PALS1: variants seen among roughly 807,000 people sequenced by gnomAD.
PALS1 encodes protein associated with LIN7 1, MAGUK p55 family member, also known as protein PALS1.
Under a neutral mutation model 78.9 loss-of-function variants are expected in PALS1, and 31 were observed. The ratio of observed to expected loss-of-function variants is 0.39; its 90% CI spans 0.30 to 0.53. PALS1 has a LOEUF of 0.53. Ranked by LOEUF, PALS1 falls within the 20% of genes least tolerant of loss-of-function variation. The pLI is 0.67. For synonymous variants in PALS1, 276 were observed against 270.9 expected (o/e 1.02, Z -0.18); for missense variants, 704 against 826.5 (o/e 0.85, Z 1.82).
intron 8 of PALS1, among the ~76,000 whole-genome samples, chr14:67,310,940 C>A (rs144630313): frequency 6.6e-4 from 101 of 152,234 alleles, no homozygotes; most frequent in African/African-American, 2.3e-3. Context: ...GCTTAAAGAG[C>A]GCTTAAAAAG....
At chr14:67,265,595 G>A (rs142260129) in intron 1 of PALS1, among the ~76,000 whole-genome samples, 2,253 of 151,826 alleles carry the variant, frequency 0.015, 21 homozygotes, top group Non-Finnish European at 0.024. Flanking sequence ...AGTGGCTCAC[G>A]CCTGTAATCC....
chr14:67,285,974 TAATC>T (rs1347236827), intron 3 of PALS1, among the ~76,000 whole-genome samples: 1 of 152,190 alleles, frequency 6.6e-6, no homozygotes, highest in African/African-American at 2.4e-5. Context: ...CTCTTTTAAA[TAATC>T]AAGAGTTAAA....
chr14:67,308,673 G>A (rs2085046200), intron 8 of PALS1, among the ~76,000 whole-genome samples: 1 of 150,986 alleles, frequency 6.6e-6, no homozygotes, highest in South Asian at 2.1e-4. Flanking sequence ...AGCCTCCCAA[G>A]TAGCTGGGAT....
intron 9 of PALS1, among the ~76,000 whole-genome samples, chr14:67,313,408 A>G (rs1438830504): frequency 6.6e-6 from 1 of 152,294 alleles, no homozygotes; most frequent in East Asian, 1.9e-4. Flanking sequence ...CAGCTAGGCT[A>G]TGTGGTATAG....
intron 4 of PALS1, among the ~76,000 whole-genome samples, chr14:67,295,849 CACT>C (rs1322853126): frequency 4.6e-5 from 7 of 152,144 alleles, no homozygotes; most frequent in African/African-American, 2.4e-5. Context: ...CCAGCAATTT[CACT>C]TGTAGGTATA....
chr14:67,261,445 A>G (rs1431541244), intron 1 of PALS1, among the ~76,000 whole-genome samples: 1 of 152,180 alleles, frequency 6.6e-6, no homozygotes, highest in East Asian at 1.9e-4. Flanking sequence ...GTTTAGGGAT[A>G]TTACAGTTAC....
intron 2 of PALS1, among the ~76,000 whole-genome samples, chr14:67,273,562 G>C (rs1186409968): frequency 6.6e-6 from 1 of 152,152 alleles, no homozygotes; most frequent in Non-Finnish European, 1.5e-5. Flanking sequence ...TTGCTATTGT[G>C]AATAGTGCCG....
chr14:67,312,343 T>C (rs2085102865), intron 8 of PALS1, among the ~76,000 whole-genome samples, 184 bp from the exon 9 acceptor site: 1 of 152,142 alleles, frequency 6.6e-6, no homozygotes, highest in Non-Finnish European at 1.5e-5. Context: ...TTTGGGAGGC[T>C]GAGGGAGAAG....
intron 14 of PALS1, among the ~76,000 whole-genome samples, chr14:67,327,174 A>G (rs2085370896): frequency 6.6e-6 from 1 of 152,184 alleles, no homozygotes; most frequent in Admixed American, 6.5e-5. Context: ...GACTCTCAAA[A>G]AAAAAGAAAA....
At chr14:67,282,381 G>A (rs2084619100) in intron 3 of PALS1, among the ~76,000 whole-genome samples, 1 of 152,042 alleles carries the variant, frequency 6.6e-6, no homozygotes, top group South Asian at 2.1e-4. Flanking sequence ...ATGGGCAACT[G>A]ATTTATTTCT....
chr14:67,254,423 C>G (rs1398646939), intron 1 of PALS1: 1 of 152,132 alleles, frequency 6.6e-6, no homozygotes, highest in Non-Finnish European at 1.5e-5. Flanking sequence ...CTTTCCTCCC[C>G]TGTAAGACTG....
At chr14:67,318,493 C>T (rs1427797415) in intron 11 of PALS1, among the ~76,000 whole-genome samples, 4 of 151,998 alleles carry the variant, frequency 2.6e-5, no homozygotes, top group Non-Finnish European at 5.9e-5. Context: ...CTGTAGAAAA[C>T]GTGGCAAATC....
intron 4 of PALS1, among the ~76,000 whole-genome samples, chr14:67,297,029 A>C (rs1234617659): frequency 6.6e-6 from 1 of 152,256 alleles, no homozygotes; most frequent in Non-Finnish European, 1.5e-5. Context: ...ACAAATTCTT[A>C]GAAAGCCAGT....
At chr14:67,260,188 A>T (rs1459663615) in intron 1 of PALS1, among the ~76,000 whole-genome samples, 1 of 152,208 alleles carries the variant, frequency 6.6e-6, no homozygotes, top group African/African-American at 2.4e-5. Context: ...ATCCATATTG[A>T]TTTAACTGTA....
Position 67,317,444 on chromosome 14 carries a change from G to A in PALS1, c.1334G>A (p.Arg445Lys), listed in dbSNP as rs1200837724. ...LWCAKKNKKK[R>K]KKVLYNANKN... ...TGTGCAAAGAAGAATAAAAAGAAGA[G>A]GAAAAAGGTTTTATATAATGCCAAT... The change falls in exon 11 of 15, where the codon AGG becomes AAG. Residue 445 changes from arginine (R) to lysine (K), a missense_variant. Arg to Lys is a conservative substitution (Grantham distance 26, BLOSUM62 2). Coordinates refer to ENST00000261681, the MANE Select transcript of PALS1 (RefSeq NM_022474.4). 1.2e-6 allele frequency: 2 copies of A among 1,611,618 alleles called. No homozygotes were observed. The highest frequency in any genetic ancestry group is 1.7e-5 in the Admixed American group (1 of 59,836).
At chr14:67,320,461 A>C in intron 12 of PALS1, 64 bp downstream of exon 12, 1 of 1,410,530 alleles carries the variant, frequency 7.1e-7, no homozygotes, top group Non-Finnish European at 9.4e-7. Context: ...ACCTAACTAT[A>C]TCATGTAGGG....
At chr14:67,332,726 A>C in intron 14 of PALS1, 54 bp from the exon 15 acceptor site, 1 of 1,536,022 alleles carries the variant, frequency 6.5e-7, no homozygotes, top group Non-Finnish European at 8.8e-7. Context: ...GACTCATCCT[A>C]TATTATTTGG....
intron 4 of PALS1, 42 bp downstream of exon 4, chr14:67,292,761 A>G (rs901940485): frequency 2.0e-6 from 3 of 1,478,336 alleles, no homozygotes; most frequent in Non-Finnish European, 2.8e-6. Context: ...CAAGGTAATT[A>G]GTAGTGGCAG....
At chr14:67,263,237 A>T (rs1255334496) in intron 1 of PALS1, among the ~76,000 whole-genome samples, 1 of 152,196 alleles carries the variant, frequency 6.6e-6, no homozygotes, top group Non-Finnish European at 1.5e-5. Context: ...TAATTTGTCT[A>T]ATTGAAAAGA....
Sources: allele counts gnomAD v4.1 joint callset (sites outside exome capture counted in the v4.1 genomes callset), GRCh38; gene constraint gnomAD v4.1.1; transcripts MANE v1.5; gene names NCBI Gene and HGNC (gene_info 2026-07-23, HGNC 2026-07-21).